SOAT1: variants seen among roughly 807,000 people sequenced by gnomAD.
SOAT1 encodes acyl-coenzyme A:cholesterol acyltransferase 1.
SOAT1 carries 55 observed loss-of-function variants against 69.5 expected under a neutral mutation model. The observed-to-expected ratio is 0.79, with a 90% CI of 0.64 to 0.99. The LOEUF is 0.99. Among genes scored for constraint, SOAT1 ranks in the 50% least tolerant of loss-of-function variants. The pLI is 0.00. For missense variants in SOAT1, 580 were observed against 669.3 expected (o/e 0.87, Z 1.47); for synonymous variants, 231 against 224.7 (o/e 1.03, Z -0.25).
At chr1:179,333,775 G>A (rs1215776128) in intron 3 of SOAT1, among the ~76,000 whole-genome samples, 3 of 142,472 alleles carry the variant, frequency 2.1e-5, no homozygotes, top group Non-Finnish European at 1.5e-5. Context: ...GGAGGTTGCG[G>A]TGAGCTAGTA....
intron 11 of SOAT1, among the ~76,000 whole-genome samples, chr1:179,345,316 A>G (rs573131531): frequency 2.0e-5 from 3 of 152,328 alleles, no homozygotes; most frequent in Non-Finnish European, 4.4e-5. Context: ...GACAGTCCAC[A>G]TTCATGCTGT....
chr1:179,310,674 G>T, intron 2 of SOAT1, among the ~76,000 whole-genome samples: 1 of 152,182 alleles, frequency 6.6e-6, no homozygotes, highest in Admixed American at 6.5e-5. Flanking sequence ...CTTTTGTATC[G>T]CTTTGTGGAG....
intron 3 of SOAT1, among the ~76,000 whole-genome samples, chr1:179,326,044 T>C (rs1331810854): frequency 6.6e-6 from 1 of 152,126 alleles, no homozygotes; most frequent in African/African-American, 2.4e-5. Context: ...TTCCCTGATG[T>C]TAAGGGAAGT....
intron 4 of SOAT1, among the ~76,000 whole-genome samples, chr1:179,336,476 A>C: frequency 6.6e-6 from 1 of 151,052 alleles, no homozygotes. Context: ...TCTCCAAAAA[A>C]AAAAAAAAAA....
chr1:179,342,749 A>G, intron 8 of SOAT1, 113 bp from the exon 9 acceptor site: 1 of 696,070 alleles, frequency 1.4e-6, no homozygotes, highest in Non-Finnish European at 2.5e-6. Flanking sequence ...AAAGAACATG[A>G]GCTGATAAGT....
chr1:179,295,009 T>G (rs1438544950), intron 1 of SOAT1, among the ~76,000 whole-genome samples: 1 of 152,102 alleles, frequency 6.6e-6, no homozygotes, highest in African/African-American at 2.4e-5. Context: ...CTGTGCGTTG[T>G]CTGGGTGTGA....
intron 5 of SOAT1, among the ~76,000 whole-genome samples, chr1:179,338,794 C>T (rs1224810604): frequency 6.6e-6 from 1 of 151,968 alleles, no homozygotes; most frequent in African/African-American, 2.4e-5. Flanking sequence ...TTTTCTATGG[C>T]TTAGATGAGT....
At chr1:179,295,038 G>A (rs1380908028) in intron 1 of SOAT1, among the ~76,000 whole-genome samples, 1 of 152,002 alleles carries the variant, frequency 6.6e-6, no homozygotes, top group Admixed American at 6.6e-5. Flanking sequence ...TTTGGAAGGA[G>A]CTCTGTGGCA....
chr1:179,352,712 T>C (rs1421854815), intron 15 of SOAT1, among the ~76,000 whole-genome samples: 1 of 152,164 alleles, frequency 6.6e-6, no homozygotes, highest in Non-Finnish European at 1.5e-5. Context: ...GTATTTCTCA[T>C]AGGCATCTGT....
rs1284412506 is a variant in SOAT1, at chr1:179,354,492, C to T, written c.*851C>T. On this transcript the variant is annotated 3_prime_UTR_variant, in exon 16 of 16. Coordinates refer to ENST00000367619, the MANE Select transcript of SOAT1 (RefSeq NM_003101.6). ...TAACATGGAAGATATTCCTTTTTAA[C>T]TTTGTGGTAACTTCTTTGAAGTTAT... 1 of 152,104 alleles carries T rather than the reference C, an allele frequency of 6.6e-6. No individual in the cohort carries two copies. Among genetic ancestry groups the T allele is most frequent in the Non-Finnish European group, 1.5e-5 (1 of 67,990 alleles). The allele number at this position is 152,104 out of a possible 1,614,324, so 9.4% of individuals were successfully genotyped here. A position where few individuals can be genotyped will look rare whatever the true frequency, so the allele number is the denominator to read the frequency against.
At chr1:179,301,785 C>A (rs542607873) in intron 1 of SOAT1, among the ~76,000 whole-genome samples, 2 of 152,134 alleles carry the variant, frequency 1.3e-5, no homozygotes, top group African/African-American at 4.8e-5. Context: ...TAGTTCAATT[C>A]CTTCATGGTT....
Position 179,351,444 on chromosome 1 carries a change from G to C in SOAT1, c.1578G>C (p.Gln526His). ...ATTCTCAAGAATGGTATGCACGTCA[G>C]CACTGTCCTCTGAAAAATGTGAGTC... ...CFYSQEWYAR[Q>H]HCPLKNPTFL... The change falls in exon 15 of 16, where the codon CAG (glutamine) becomes CAC (histidine). Residue 526 changes from glutamine to histidine, a missense_variant. Transcript: ENST00000367619. The C allele has an allele frequency of 6.2e-7, 1 of 1,612,926 alleles. No homozygotes were observed. Among genetic ancestry groups the C allele is most frequent in the Non-Finnish European group, 8.5e-7 (1 of 1,179,728 alleles).
At chr1:179,328,123 AAG>A (rs1665850556) in intron 3 of SOAT1, among the ~76,000 whole-genome samples, 1 of 152,190 alleles carries the variant, frequency 6.6e-6, no homozygotes, top group East Asian at 1.9e-4. Flanking sequence ...TAACAGAAAC[AAG>A]GTCTCACTAT....
At chr1:179,294,720 C>A (rs1406152401) in intron 1 of SOAT1, among the ~76,000 whole-genome samples, 1 of 151,900 alleles carries the variant, frequency 6.6e-6, no homozygotes, top group Non-Finnish European at 1.5e-5. Flanking sequence ...TTAGTAGAGA[C>A]GGGGTTTCAC....
rs573493094 is a variant in SOAT1, at chr1:179,312,482, C to T, written c.118+9680C>T. On this transcript the variant is annotated intron_variant, in intron 2 of 15. Transcript: ENST00000367619. ...GATGAAACCTTCGCTAGAAATTCCC[C>T]TACAGACTTCTCGTGTCTCATTGGC... Among the ~76,000 whole-genome samples, 54 of 152,308 alleles carry T rather than the reference C, an allele frequency of 3.5e-4. 1 individual carries two copies. In the South Asian group the frequency reaches 8.3e-3, roughly 23 times the overall value.
intron 1 of SOAT1, chr1:179,294,499 T>G (rs1664561323): frequency 6.6e-6 from 1 of 152,256 alleles, no homozygotes; most frequent in Non-Finnish European, 1.5e-5. Flanking sequence ...ATATAAACTT[T>G]ATTCTCCGTA....
intron 3 of SOAT1, among the ~76,000 whole-genome samples, chr1:179,325,084 G>T (rs1226346683): frequency 1.4e-5 from 2 of 147,538 alleles, no homozygotes; most frequent in Non-Finnish European, 3.0e-5. Flanking sequence ...TACAGGCTGG[G>T]ATTACCACAC....
At position 179,302,666 on chromosome 1, in the gene SOAT1, T is replaced by C. The variant is rs1340401222; in HGVS notation, c.-8-11T>C. On this transcript the variant is annotated splice_polypyrimidine_tract_variant and intron_variant, in intron 1 of 15. Coordinates refer to ENST00000367619, the MANE Select transcript of SOAT1 (RefSeq NM_003101.6). ...GACTAATACGAAAGCTTTTTACACCTTCTTTCCTAGACAATACAATGGTGG... is the reference window on the plus strand; with the variant it reads ...GACTAATACGAAAGCTTTTTACACCCTCTTTCCTAGACAATACAATGGTGG... 6.4e-7 allele frequency: 1 copy of C among 1,559,796 alleles called. No individual in the cohort carries two copies. Among genetic ancestry groups the C allele is most frequent in the East Asian group, 2.2e-5 (1 of 44,504 alleles).
chr1:179,338,237 A>C (rs1023836916), intron 5 of SOAT1, among the ~76,000 whole-genome samples: 4 of 152,000 alleles, frequency 2.6e-5, no homozygotes, highest in African/African-American at 9.7e-5. Context: ...AAATACAAAA[A>C]ATTAGCCAGG....
Sources: allele counts gnomAD v4.1 joint callset (sites outside exome capture counted in the v4.1 genomes callset), GRCh38; gene constraint gnomAD v4.1.1; transcripts MANE v1.5; gene names NCBI Gene and HGNC (gene_info 2026-07-23, HGNC 2026-07-21).